The following MECOM variants were observed in gnomAD, a reference collection of about 807,000 sequenced individuals.
MECOM encodes histone-lysine N-methyltransferase MECOM.
A neutral mutation model predicts 116.3 loss-of-function variants in MECOM; 13 were observed. The ratio of observed to expected loss-of-function variants is 0.11; its 90% CI spans 0.07 to 0.18. The LOEUF is 0.18. Ranked by LOEUF, MECOM falls within the 10% of genes least tolerant of loss-of-function variation. The probability of loss-of-function intolerance (pLI) is 1.00; values close to 1 mark genes in which losing one functional copy is unlikely to be tolerated. For missense variants in MECOM, 1,299 were observed against 1,509.0 expected (o/e 0.86, Z 2.31); for synonymous variants, 528 against 535.2 (o/e 0.99, Z 0.19).
intron 2 of MECOM, among the ~76,000 whole-genome samples, chr3:169,152,506 T>C (rs1166478707): frequency 6.6e-6 from 1 of 152,160 alleles, no homozygotes; most frequent in East Asian, 1.9e-4. Context: ...GCTCGAGGAT[T>C]CAGGCATGTT....
At chr3:169,354,031 C>T (rs549397251) in intron 2 of MECOM, among the ~76,000 whole-genome samples, 1 of 151,944 alleles carries the variant, frequency 6.6e-6, no homozygotes, top group East Asian at 1.9e-4. Context: ...TTTATTGCTT[C>T]TTTTCTTTCT....
At position 169,421,687 on chromosome 3, in the gene MECOM, TAA is replaced by T. The variant is rs200727755; in HGVS notation, c.38-40165_38-40164del. ...ATCACTTATAGCATGTTTGTTTTTTTAAAAAAAAAAAACAAAACGATTTCTTA... is the reference window on the plus strand; with the variant it reads ...ATCACTTATAGCATGTTTGTTTTTTTAAAAAAAAAACAAAACGATTTCTTA... On this transcript the variant is annotated intron_variant, in intron 1 of 16. Transcript: ENST00000651503. Among the ~76,000 whole-genome samples the T allele has an allele frequency of 5.4e-5, 8 of 147,136 alleles. No individual in the cohort carries two copies. In the East Asian group the frequency reaches 1.6e-3, roughly 29 times the overall value.
At chr3:169,507,405 G>A (rs1326113000) in intron 1 of MECOM, among the ~76,000 whole-genome samples, 1 of 152,138 alleles carries the variant, frequency 6.6e-6, no homozygotes, top group Non-Finnish European at 1.5e-5. Context: ...CCTCCTTCAT[G>A]CCTTCATTCC....
At chr3:169,470,588 A>C (rs1560314600) in intron 1 of MECOM, among the ~76,000 whole-genome samples, 1 of 152,160 alleles carries the variant, frequency 6.6e-6, no homozygotes, top group Non-Finnish European at 1.5e-5. Flanking sequence ...GGGGACAGGC[A>C]AGAGGGAAGA....
chr3:169,117,908 TG>T (rs1553841713), intron 7 of MECOM, among the ~76,000 whole-genome samples: 1 of 76,698 alleles, frequency 1.3e-5, no homozygotes, highest in Non-Finnish European at 2.9e-5. Context: ...AGCCACGTTA[TG>T]TGTGAGCTTA....
intron 2 of MECOM, among the ~76,000 whole-genome samples, chr3:169,212,080 C>T (rs916649129): frequency 6.6e-6 from 1 of 152,068 alleles, no homozygotes; most frequent in African/African-American, 2.4e-5. Context: ...TCTTTCTACT[C>T]TCATGGGGCT....
chr3:169,183,178 T>A (rs551020817), intron 2 of MECOM, among the ~76,000 whole-genome samples: 6 of 152,336 alleles, frequency 3.9e-5, no homozygotes, highest in African/African-American at 1.4e-4. Context: ...TTGCTGTTGC[T>A]ACTGTTACCC....
intron 2 of MECOM, among the ~76,000 whole-genome samples, chr3:169,172,392 C>T (rs1010517945): frequency 1.4e-5 from 2 of 147,296 alleles, no homozygotes; most frequent in African/African-American, 5.1e-5. Context: ...CATTTACTTC[C>T]GCAGGTACCC....
chr3:169,488,077 A>G lies in MECOM; in HGVS notation c.38-106553T>C, dbSNP rs184564913. 5.9e-4 allele frequency among the ~76,000 whole-genome samples: 90 copies of G among 152,264 alleles called. 1 individual carries two copies. Among genetic ancestry groups the G allele is most frequent in the African/African-American group, 2.1e-3 (87 of 41,562 alleles). ...GCATGAAGCAAAAATTGACAGCATT[A>G]CAAGAAATAAATGGACAAATTCACA... On this transcript the variant is annotated intron_variant, in intron 1 of 16. Transcript: ENST00000651503.
At chr3:169,551,652 T>A (rs893770871) in intron 1 of MECOM, among the ~76,000 whole-genome samples, 13 of 152,338 alleles carry the variant, frequency 8.5e-5, no homozygotes, top group Admixed American at 6.5e-4. Context: ...TTTGGCACTT[T>A]TTCAAAAAGT....
chr3:169,289,042 A>T (rs1004662876), intron 2 of MECOM, among the ~76,000 whole-genome samples: 3 of 152,228 alleles, frequency 2.0e-5, no homozygotes, highest in Non-Finnish European at 4.4e-5. Flanking sequence ...TCTGAAGTAC[A>T]GTTCTATAAA....
chr3:169,323,177 T>C (rs1012779869), intron 2 of MECOM, among the ~76,000 whole-genome samples: 1 of 152,080 alleles, frequency 6.6e-6, no homozygotes, highest in African/African-American at 2.4e-5. Context: ...TTCACAACTG[T>C]TACTGAAACC....
intron 2 of MECOM, among the ~76,000 whole-genome samples, chr3:169,340,561 T>C (rs1724331011): frequency 6.6e-6 from 1 of 152,214 alleles, no homozygotes. Context: ...GAATTCATAA[T>C]GCCAGAATGC....
At chr3:169,534,748 A>T (rs557783913) in intron 1 of MECOM, among the ~76,000 whole-genome samples, 6 of 152,274 alleles carry the variant, frequency 3.9e-5, no homozygotes, top group South Asian at 2.1e-4. Flanking sequence ...GCAAGGTGCT[A>T]TTCTCCCCAT....
At chr3:169,481,615 T>C (rs1031377843) in intron 1 of MECOM, among the ~76,000 whole-genome samples, 1 of 151,994 alleles carries the variant, frequency 6.6e-6, no homozygotes, top group African/African-American at 2.4e-5. Flanking sequence ...GTGTCTAGAA[T>C]ATAATTTGTC....
intron 7 of MECOM, among the ~76,000 whole-genome samples, chr3:169,120,725 A>G (rs1272890020): frequency 1.3e-5 from 2 of 152,198 alleles, no homozygotes; most frequent in East Asian, 3.8e-4. Context: ...TGCTTTACAA[A>G]GCCATGAACA....
intron 1 of MECOM, among the ~76,000 whole-genome samples, chr3:169,547,577 C>G (rs1283124057): frequency 3.9e-5 from 6 of 152,128 alleles, no homozygotes; most frequent in Non-Finnish European, 8.8e-5. Flanking sequence ...AGCTTTGACC[C>G]TATGTTATCA....
intron 1 of MECOM, among the ~76,000 whole-genome samples, chr3:169,472,023 C>T (rs1314819401): frequency 6.6e-6 from 1 of 152,062 alleles, no homozygotes; most frequent in Non-Finnish European, 1.5e-5. Context: ...ATAACAAAAT[C>T]TTGCCATGAC....
chr3:169,409,173 C>G (rs547461122), intron 1 of MECOM, among the ~76,000 whole-genome samples: 1 of 152,290 alleles, frequency 6.6e-6, no homozygotes, highest in African/African-American at 2.4e-5. Flanking sequence ...TCTCACCAAC[C>G]TAAGGCCCGA....
Sources: gnomAD v4.1 joint callset for allele counts (sites outside exome capture counted in the v4.1 genomes callset) on GRCh38, gnomAD v4.1.1 for gene constraint, MANE v1.5 for transcripts, NCBI Gene and HGNC (gene_info 2026-07-23, HGNC 2026-07-21) for gene names.